Variants in DNAH6 observed in about 807,000 individuals in gnomAD.
DNAH6 encodes axonemal beta dynein heavy chain 6.
In DNAH6, 340 loss-of-function variants were observed where a neutral mutation model predicts 491.4. That is an observed-to-expected ratio of 0.69 (90% CI 0.63 to 0.76). The LOEUF (loss-of-function observed/expected upper bound fraction) is 0.76. Ranked by LOEUF, DNAH6 falls within the 30% of genes least tolerant of loss-of-function variation. The pLI is 0.00. For synonymous variants in DNAH6, 1,603 were observed against 1,686.1 expected, an observed-to-expected ratio of 0.95 and a Z score of 1.21; for missense variants, 4,443 against 4,972.2, an observed-to-expected ratio of 0.89 and a Z score of 3.20.
At chr2:84,500,211 T>C in the DNAH6 span, among the ~76,000 whole-genome samples, 713 of 152,328 alleles carry the variant, frequency 4.7e-3, 5 homozygotes, top group African/African-American at 0.016. Flanking sequence ...TTTTTGTATA[T>C]GGTGAGAGAT....
At chr2:84,709,300 A>T (rs1460055142) in intron 54 of DNAH6, 43 bp from the exon 55 acceptor site, 1 of 1,543,972 alleles carries the variant, frequency 6.5e-7, no homozygotes. Context: ...TCGTTTACTG[A>T]GTGTTCCTGA....
chr2:84,732,511 T>C (rs1229688263), intron 61 of DNAH6, among the ~76,000 whole-genome samples: 1 of 152,204 alleles, frequency 6.6e-6, no homozygotes, highest in Non-Finnish European at 1.5e-5. Flanking sequence ...AACACTAAGC[T>C]AAGACGTCCG....
At chr2:84,470,216 A>C in the DNAH6 span, among the ~76,000 whole-genome samples, 1 of 152,140 alleles carries the variant, frequency 6.6e-6, no homozygotes, top group Admixed American at 6.5e-5. Flanking sequence ...GGGTTTCTGC[A>C]CTATAGTCCC....
intron 4 of DNAH6, among the ~76,000 whole-genome samples, chr2:84,535,694 A>AG (rs1464919966): frequency 1.3e-5 from 2 of 151,820 alleles, no homozygotes; most frequent in Non-Finnish European, 2.9e-5. Context: ...AAAAAAAAAA[A>AG]AAAATCAGTA....
chr2:84,745,211 C>G lies in DNAH6; in HGVS notation c.10474C>G (p.His3492Asp). 6.5e-7 allele frequency: 1 copy of G among 1,537,502 alleles called. No homozygotes were observed. Among genetic ancestry groups the G allele is most frequent in the Non-Finnish European group, 8.8e-7 (1 of 1,141,946 alleles). The change falls in exon 63 of 77, where the codon CAT becomes GAT. Residue 3492 changes from histidine to aspartate, a missense_variant. His to Asp is a moderately conservative substitution (Grantham distance 81, BLOSUM62 -1). Around this residue, in one of 3 missense-constraint regions of DNAH6, gnomAD observed 1,463 missense variants for 1,656.6 expected, o/e 0.88. Transcript: ENST00000389394. ...ATGGAGTGCAGGATTGAGTTCTTTC[C>G]ATAAGCTAATTCTTATTAAATGTTG... The part of the protein sequence containing the change: ...DPWSAGLSSF[H>D]KLILIKCCKE...
rs1281092895 is a variant in DNAH6, at chr2:84,816,051, C to G, written c.12341C>G (p.Thr4114Arg). The change falls in exon 76 of 77, where the codon ACA (threonine) becomes AGA (arginine). Residue 4114 changes from threonine (T) to arginine (R), a missense_variant. Physicochemically the swap from Thr to Arg is moderately conservative, Grantham distance 71 (BLOSUM62 -1). This residue lies in a region of DNAH6 where 1,463 missense variants were observed against 1,656.6 expected (regional missense o/e 0.88). Coordinates refer to ENST00000389394, the MANE Select transcript of DNAH6 (RefSeq NM_001370.2). ...PTLYHCPLYK[T>R]GARAGTLSTT... The stretch of plus-strand genomic sequence containing the variant: ...CTTTACCACTGCCCACTTTATAAAA[C>G]AGGAGCCCGGGCAGGAACACTCTCA... 1 of 1,551,560 alleles carries G rather than the reference C, an allele frequency of 6.4e-7. No individual in the cohort carries two copies. Among genetic ancestry groups the G allele is most frequent in the Non-Finnish European group, 8.7e-7 (1 of 1,146,968 alleles).
chr2:84,693,869 G>T (rs2104791875), intron 45 of DNAH6, among the ~76,000 whole-genome samples: 1 of 152,278 alleles, frequency 6.6e-6, no homozygotes, highest in Non-Finnish European at 1.5e-5. Flanking sequence ...TCTAGGTTCA[G>T]TGATTTTTCT....
intron 18 of DNAH6, among the ~76,000 whole-genome samples, chr2:84,602,307 G>T (rs1166090174): frequency 2.0e-5 from 3 of 152,016 alleles, no homozygotes; most frequent in Admixed American, 2.0e-4. Flanking sequence ...TTTTGAGGAA[G>T]TCTTTATCCT....
intron 56 of DNAH6, among the ~76,000 whole-genome samples, chr2:84,712,042 A>G (rs1461123647): frequency 6.6e-6 from 1 of 152,186 alleles, no homozygotes; most frequent in African/African-American, 2.4e-5. Context: ...TCAGGGCCCC[A>G]GCCAGGAACA....
chr2:84,513,034 T>C (rs1320766296), upstream of DNAH6, among the ~76,000 whole-genome samples: 1 of 152,304 alleles, frequency 6.6e-6, no homozygotes, highest in Admixed American at 6.5e-5. Context: ...ATGTTATTTT[T>C]CAATTCTTTC....
At chr2:84,736,184 G>C (rs923127291) in intron 62 of DNAH6, among the ~76,000 whole-genome samples, 74 of 151,912 alleles carry the variant, frequency 4.9e-4, no homozygotes, top group African/African-American at 1.7e-3. Flanking sequence ...TTATTTCAGG[G>C]GTCTCTATTC....
At chr2:84,747,857 G>T (rs1673114949) in intron 63 of DNAH6, among the ~76,000 whole-genome samples, 1 of 152,174 alleles carries the variant, frequency 6.6e-6, no homozygotes, top group African/African-American at 2.4e-5. Flanking sequence ...CTGCCCAACT[G>T]CAGGCTTAAC....
intron 21 of DNAH6, among the ~76,000 whole-genome samples, chr2:84,609,609 G>A (rs775947926): frequency 6.6e-5 from 10 of 151,784 alleles, no homozygotes; most frequent in Admixed American, 2.6e-4. Context: ...ATGGTTCATG[G>A]CACCCCAAAC....
chr2:84,490,571 T>C, the DNAH6 span, among the ~76,000 whole-genome samples: 1 of 152,162 alleles, frequency 6.6e-6, no homozygotes, highest in South Asian at 2.1e-4. Flanking sequence ...GAATATATTA[T>C]TTATTTTTAA....
chr2:84,717,719 G>T (rs1024345274), intron 58 of DNAH6, among the ~76,000 whole-genome samples: 4 of 152,220 alleles, frequency 2.6e-5, no homozygotes, highest in African/African-American at 9.6e-5. Context: ...AAGTTCACCT[G>T]TTTATACAAG....
the DNAH6 span, among the ~76,000 whole-genome samples, chr2:84,466,225 G>A: frequency 2.6e-5 from 4 of 152,154 alleles, no homozygotes; most frequent in African/African-American, 9.7e-5. Context: ...TATGAGGCCA[G>A]TTCCCCAAAG....
At chr2:84,714,361 C>G (rs961417533) in intron 57 of DNAH6, among the ~76,000 whole-genome samples, 3 of 152,120 alleles carry the variant, frequency 2.0e-5, no homozygotes, top group Non-Finnish European at 4.4e-5. Context: ...TTGTCAGCCT[C>G]GAGGAGTTTA....
chr2:84,721,036 C>T (rs994545853), intron 59 of DNAH6, among the ~76,000 whole-genome samples: 9 of 152,162 alleles, frequency 5.9e-5, no homozygotes, highest in Non-Finnish European at 1.2e-4. Context: ...ATTCTCTAAA[C>T]GCGGCTGAAA....
chr2:84,662,526 G>A (rs958779990), intron 37 of DNAH6, among the ~76,000 whole-genome samples: 16 of 152,290 alleles, frequency 1.1e-4, no homozygotes, highest in Non-Finnish European at 1.6e-4. Flanking sequence ...GTCTGAGATC[G>A]AACTGCAAGG....
Sources: gnomAD v4.1 joint callset for allele counts (sites outside exome capture counted in the v4.1 genomes callset) on GRCh38, gnomAD v4.1.1 for gene constraint, gnomAD v4.1.1 regional missense constraint, MANE v1.5 for transcripts, NCBI Gene and HGNC (gene_info 2026-07-23, HGNC 2026-07-21) for gene names.